IL18: variants seen among roughly 807,000 people sequenced by gnomAD.
IL18 encodes the protein interleukin-18.
A neutral mutation model predicts 14.2 loss-of-function variants in IL18; 8 were observed. The ratio of observed to expected loss-of-function variants is 0.56; its 90% CI spans 0.33 to 1.01. The LOEUF (loss-of-function observed/expected upper bound fraction) is 1.01. Among genes scored for constraint, IL18 ranks in the 50% least tolerant of loss-of-function variants. The pLI, the probability that IL18 is intolerant of heterozygous loss-of-function variation, is 0.03. For synonymous variants in IL18, 67 were observed against 71.0 expected (o/e 0.94, Z 0.28); for missense variants, 166 against 231.1 (o/e 0.72, Z 1.83).
chr11:112,143,537 C>T lies in IL18; in HGVS notation c.*59G>A. On this transcript the variant is annotated 3_prime_UTR_variant, in exon 6 of 6. Coordinates refer to ENST00000280357, the MANE Select transcript of IL18 (RefSeq NM_001562.4). Reference sequence around the variant, plus strand: ...CCTCTGGTGATCTGCCCGCCTCAGCCTCCCAAAGGGCTGGGATTACAGGCG... The same window carrying T: ...CCTCTGGTGATCTGCCCGCCTCAGCTTCCCAAAGGGCTGGGATTACAGGCG... The T allele has an allele frequency of 8.6e-7, 1 of 1,166,002 alleles. No individual in the cohort carries two copies. Among genetic ancestry groups the T allele is most frequent in the Non-Finnish European group, 1.2e-6 (1 of 802,456 alleles). The allele number at this position is 1,166,002 out of a possible 1,614,324, so 72.2% of individuals were successfully genotyped here.
At chr11:112,156,977 T>C (rs1037251628) in intron 1 of IL18, among the ~76,000 whole-genome samples, 2 of 152,066 alleles carry the variant, frequency 1.3e-5, no homozygotes, top group South Asian at 2.1e-4. Context: ...ATCACTAAGA[T>C]AAGTCTAAAC....
At chr11:112,154,775 G>C (rs982336983) in intron 2 of IL18, among the ~76,000 whole-genome samples, 200 bp downstream of exon 2, 43 of 152,308 alleles carry the variant, frequency 2.8e-4, no homozygotes, top group African/African-American at 1.0e-3. Context: ...TAAAGTGCCA[G>C]GACACGTGGT....
chr11:112,146,089 T>C lies in IL18; in HGVS notation c.361-2272A>G, dbSNP rs577075965. 6.6e-4 allele frequency among the ~76,000 whole-genome samples: 100 copies of C among 151,350 alleles called. 1 individual carries two copies. The highest frequency in any genetic ancestry group is 2.0e-3 in the Admixed American group (31 of 15,182). ...GGGTTGAATCTGAATCCAGGGAAAG[T>C]TGATATTGACCTAACATCTCCCAAG... On this transcript the variant is annotated intron_variant, in intron 5 of 5. Transcript: ENST00000280357.
chr11:112,153,614 GA>G lies in IL18; in HGVS notation c.80-12del, dbSNP rs780956178. 28 of 1,540,108 alleles carry G rather than the reference GA, an allele frequency of 1.8e-5. No individual in the cohort carries two copies. In the East Asian group the frequency reaches 3.4e-4, roughly 19 times the overall value. Reference sequence around the variant, plus strand: ...TACCATCATCTTCAGCTAAGAGGGGGAAAAAGAGAGAAACAGAATATGTAAA... The same window carrying G: ...TACCATCATCTTCAGCTAAGAGGGGGAAAAGAGAGAAACAGAATATGTAAA... On this transcript the variant is annotated splice_polypyrimidine_tract_variant and intron_variant, in intron 2 of 5. Coordinates refer to ENST00000280357, the MANE Select transcript of IL18 (RefSeq NM_001562.4).
chr11:112,159,764 A>G (rs919011954), intron 1 of IL18, among the ~76,000 whole-genome samples: 11 of 152,202 alleles, frequency 7.2e-5, no homozygotes, highest in Admixed American at 2.6e-4. Context: ...GAATTTGGCA[A>G]TTAGGAAGTT....
chr11:112,146,233 T>C (rs1866340908), intron 5 of IL18, among the ~76,000 whole-genome samples: 1 of 152,116 alleles, frequency 6.6e-6, no homozygotes, highest in Non-Finnish European at 1.5e-5. Flanking sequence ...TCCCTCTTAG[T>C]GTTGTCAAGG....
chr11:112,152,444 C>T (rs1174618528), intron 3 of IL18, among the ~76,000 whole-genome samples: 2 of 152,150 alleles, frequency 1.3e-5, no homozygotes, highest in Non-Finnish European at 2.9e-5. Flanking sequence ...ACCATCAATT[C>T]TTTATACCAA....
At chr11:112,157,880 A>T (rs189274297) in intron 1 of IL18, among the ~76,000 whole-genome samples, 93 of 152,286 alleles carry the variant, frequency 6.1e-4, no homozygotes, top group Non-Finnish European at 1.3e-3. Flanking sequence ...TTTTGGATAC[A>T]GAGTTTCGCT....
At chr11:112,150,488 CTA>C (rs1866419179) in intron 3 of IL18, 2 of 243,708 alleles carry the variant, frequency 8.2e-6, no homozygotes, top group African/African-American at 4.5e-5. Flanking sequence ...TACTCCAACT[CTA>C]TGTGTTCTTA....
chr11:112,153,591 C>A lies in IL18; in HGVS notation c.91+1G>T. On this transcript the variant is annotated splice_donor_variant, in intron 3 of 5. Coordinates refer to ENST00000280357, the MANE Select transcript of IL18 (RefSeq NM_001562.4). LOFTEE classifies it high-confidence loss of function. The stretch of plus-strand genomic sequence containing the variant: ...GAAAAATAAATTCATTTCTACTTTA[C>A]CATCATCTTCAGCTAAGAGGGGGAA... The A allele has an allele frequency of 1.3e-6, 2 of 1,548,442 alleles. No individual in the cohort carries two copies. The highest frequency in any genetic ancestry group is 8.8e-7 in the Non-Finnish European group (1 of 1,134,516).
intron 5 of IL18, among the ~76,000 whole-genome samples, chr11:112,144,192 CGAT>C (rs1429943611): frequency 6.6e-6 from 1 of 152,162 alleles, no homozygotes; most frequent in Non-Finnish European, 1.5e-5. Context: ...CGGCTAAAGA[CGAT>C]GATGACCTCC....
At chr11:112,153,914 T>C (rs1866488948) in intron 2 of IL18, among the ~76,000 whole-genome samples, 1 of 152,176 alleles carries the variant, frequency 6.6e-6, no homozygotes, top group South Asian at 2.1e-4. Flanking sequence ...AATTTATTGC[T>C]TAAACGGAAA....
chr11:112,160,625 G>A (rs1004137638), intron 1 of IL18, among the ~76,000 whole-genome samples: 1 of 152,116 alleles, frequency 6.6e-6, no homozygotes, highest in African/African-American at 2.4e-5. Flanking sequence ...AATGTTGTAT[G>A]AATAAAAGTT....
At chr11:112,146,053 T>A (rs1224913196) in intron 5 of IL18, among the ~76,000 whole-genome samples, 4 of 121,486 alleles carry the variant, frequency 3.3e-5, no homozygotes, top group East Asian at 2.2e-4. Flanking sequence ...TTTTTTTTTT[T>A]ACATCAGAAG....
intron 5 of IL18, among the ~76,000 whole-genome samples, chr11:112,146,318 G>C (rs1866342166): frequency 6.6e-6 from 1 of 151,922 alleles, no homozygotes; most frequent in Non-Finnish European, 1.5e-5. Flanking sequence ...AGGGTAGCCT[G>C]TTGTATCTTT....
Position 112,153,612 on chromosome 11 carries a change from G to A in IL18, c.80-9C>T. On this transcript the variant is annotated splice_polypyrimidine_tract_variant and intron_variant, in intron 2 of 5. Coordinates refer to ENST00000280357, the MANE Select transcript of IL18 (RefSeq NM_001562.4). ...TTTACCATCATCTTCAGCTAAGAGG[G>A]GGAAAAAGAGAGAAACAGAATATGT... The A allele has an allele frequency of 3.2e-6, 5 of 1,545,428 alleles. No individual in the cohort carries two copies. Among genetic ancestry groups the A allele is most frequent in the East Asian group, 2.3e-5 (1 of 44,010 alleles).
chr11:112,158,831 A>G (rs1866579806), intron 1 of IL18, among the ~76,000 whole-genome samples: 1 of 152,144 alleles, frequency 6.6e-6, no homozygotes, highest in Non-Finnish European at 1.5e-5. Context: ...TTTTGCCCAT[A>G]TAAACTATAA....
chr11:112,153,529 A>T, intron 3 of IL18, 63 bp downstream of exon 3: 1 of 1,129,370 alleles, frequency 8.9e-7, no homozygotes, highest in Non-Finnish European at 1.3e-6. Flanking sequence ...GACAATGGTG[A>T]GATAGATGTG....
intron 5 of IL18, among the ~76,000 whole-genome samples, chr11:112,144,256 AG>A (rs34801674): frequency 6.6e-6 from 1 of 152,340 alleles, no homozygotes; most frequent in Admixed American, 6.5e-5. Flanking sequence ...GCTTTGAGAC[AG>A]GGTCTCGCTC....
Sources: gnomAD v4.1 joint callset for allele counts (sites outside exome capture counted in the v4.1 genomes callset) on GRCh38, gnomAD v4.1.1 for gene constraint, MANE v1.5 for transcripts, NCBI Gene and HGNC (gene_info 2026-07-23, HGNC 2026-07-21) for gene names.